LCN9: variants seen among roughly 807,000 people sequenced by gnomAD.
LCN9 encodes the protein epididymal-specific lipocalin-9.
Under a neutral mutation model 18.5 loss-of-function variants are expected in LCN9, and 22 were observed. The observed-to-expected ratio is 1.19, with a 90% confidence interval of 0.85 to 1.70. LCN9 has a LOEUF of 1.70. LCN9 is among the 40% of genes most tolerant of loss of function. The pLI is 0.00. For missense variants in LCN9, 202 were observed against 201.3 expected (o/e 1.00, Z -0.02); for synonymous variants, 89 against 83.0 (o/e 1.07, Z -0.39).
chr9:135,665,203 G>C lies in LCN9; in HGVS notation c.308-42G>C. 1 of 1,349,932 alleles carries C rather than the reference G, an allele frequency of 7.4e-7. No homozygotes were observed. Among genetic ancestry groups the C allele is most frequent in the Non-Finnish European group, 1.0e-6 (1 of 962,246 alleles). The allele number at this position is 1,349,932 out of a possible 1,614,324, so 83.6% of individuals were successfully genotyped here. ...CACAGCACGTGTCACAGGACCCTGA[G>C]GGTGGCGGGGCCAGGCCACGCTGAG... On this transcript the variant is annotated intron_variant, in intron 3 of 5. Coordinates refer to ENST00000619315, the Ensembl canonical transcript of LCN9. The surrounding 1 kb of genome is among the most constrained non-coding windows in gnomAD (Gnocchi z 5.9).
At position 135,664,611 on chromosome 9, in the gene LCN9, G is replaced by A. The variant is rs1834185312; in HGVS notation, c.234-111G>A. The A allele has an allele frequency of 1.6e-5, 16 of 995,796 alleles. No homozygotes were observed. The Middle Eastern group carries it at 9.3e-4, about 58-fold the overall frequency. 61.7% of individuals were successfully genotyped at this position (995,796 alleles called of 1,614,324 possible). On this transcript the variant is annotated intron_variant, in intron 2 of 5. Transcript: ENST00000619315. The surrounding 1 kb of genome is among the most constrained non-coding windows in gnomAD (Gnocchi z 4.5). ...CCAAGAACTTGGGGCTGTGGAATGAGGCCTGGGCATTGGGAGGGTGAGCCT... is the reference window on the plus strand; with the variant it reads ...CCAAGAACTTGGGGCTGTGGAATGAAGCCTGGGCATTGGGAGGGTGAGCCT...
At position 135,665,082 on chromosome 9, in the gene LCN9, C is replaced by T. The variant is rs1002167702; in HGVS notation, c.308-163C>T. 95 of 644,838 alleles carry T rather than the reference C, an allele frequency of 1.5e-4. No homozygotes were observed. The Admixed American group carries it at 2.0e-3, about 13-fold the overall frequency. The allele number at this position is 644,838 out of a possible 1,614,324, so 39.9% of individuals were successfully genotyped here. ...GGGAGGGGGCTGTGCCGCTGCTGCC[C>T]GCCCCCTGTGCAGGGGTCTCCGCTG... is the stretch of plus-strand genomic sequence containing the variant. On this transcript the variant is annotated intron_variant, in intron 3 of 5. Coordinates refer to ENST00000619315, the Ensembl canonical transcript of LCN9. The surrounding 1 kb of genome is among the most constrained non-coding windows in gnomAD (Gnocchi z 5.9).
At position 135,665,690 on chromosome 9, in the gene LCN9, T is replaced by C. The variant is rs1048960816; in HGVS notation, c.421T>C (p.Leu141=). ...CTGGAACCCTCCTTCCTGAGCAGAT[T>C]TGAAGAAACCTGCGAAAAGTACGGA... Residue 141 remains leucine (L), a splice_region_variant and synonymous_variant, in exon 5 of 6, where the codon TTG becomes CTG. Coordinates refer to ENST00000619315, the Ensembl canonical transcript of LCN9. This position sits in a 1 kb window ranked among gnomAD's most constrained non-coding sequence, Gnocchi z 5.9. 5 of 1,612,608 alleles carry C rather than the reference T, an allele frequency of 3.1e-6. No individual in the cohort carries two copies. The highest frequency in any genetic ancestry group is 1.6e-4 in the Middle Eastern group (1 of 6,082).
exon 1 of LCN9, chr9:135,663,415 A>C (rs1247980391): frequency 1.2e-6 from 2 of 1,613,738 alleles, no homozygotes; most frequent in Non-Finnish European, 1.7e-6. Flanking sequence ...CAACGTGGCC[A>C]GGGTGTGTCT....
chr9:135,666,819 C>T (rs1834232999), exon 6 of LCN9, among the ~76,000 whole-genome samples: 1 of 149,816 alleles, frequency 6.7e-6, no homozygotes, highest in Admixed American at 6.6e-5. Flanking sequence ...CCCTGTCCCT[C>T]CCCTCTCTGC....
In LCN9 at chr9:135,664,710, G is replaced by C. The variant is rs1458067771; in HGVS notation, c.234-12G>C. 1 of 1,573,920 alleles carries C rather than the reference G, an allele frequency of 6.4e-7. No homozygotes were observed. Among genetic ancestry groups the C allele is most frequent in the Non-Finnish European group, 8.6e-7 (1 of 1,163,100 alleles). On this transcript the variant is annotated splice_polypyrimidine_tract_variant and intron_variant, in intron 2 of 5. Coordinates refer to ENST00000619315, the Ensembl canonical transcript of LCN9. The surrounding 1 kb of genome is among the most constrained non-coding windows in gnomAD (Gnocchi z 4.5). ...GAGCTCCACTCCCGGCATCTTCCTG[G>C]CTGGCTTCCAGGGTGCAGGGGGAGT...
chr9:135,663,405 C>T (rs1296032591), exon 1 of LCN9: 1 of 1,613,858 alleles, frequency 6.2e-7, no homozygotes, highest in Non-Finnish European at 8.5e-7. Flanking sequence ...AGAGGAACTA[C>T]AACGTGGCCA....
exon 6 of LCN9, among the ~76,000 whole-genome samples, chr9:135,666,709 G>C (rs1419435790): frequency 1.3e-5 from 2 of 152,284 alleles, no homozygotes; most frequent in African/African-American, 4.8e-5. Flanking sequence ...ATGTACCTGT[G>C]GTGCGTGGTG....
chr9:135,666,680 C>T (rs928802825), exon 6 of LCN9, among the ~76,000 whole-genome samples: 11 of 152,160 alleles, frequency 7.2e-5, no homozygotes, highest in Non-Finnish European at 1.6e-4. Flanking sequence ...CACGAGGGTT[C>T]CTGAGGGTAA....
rs1834154191 is a variant in LCN9 at position 135,663,491 on chromosome 9, T to C, written c.96+74T>C. 3.0e-6 allele frequency: 4 copies of C among 1,347,540 alleles called. No homozygotes were observed. In the Admixed American group the frequency reaches 5.3e-5, roughly 18 times the overall value. 83.5% of individuals were successfully genotyped at this position (1,347,540 alleles called of 1,614,324 possible). ...CTGTCTTCCCCCAGCCTGGGGTCTC[T>C]GACCTGTGACCAGGGCAACTGGTCC... On this transcript the variant is annotated intron_variant, in intron 1 of 5. Coordinates refer to ENST00000619315, the Ensembl canonical transcript of LCN9.
chr9:135,663,420 G>A lies in LCN9; in HGVS notation c.96+3G>A, dbSNP rs767613941. ...AGAGGAACTACAACGTGGCCAGGGT[G>A]TGTCTGCGTTGGGGTCTGTGGGGAA... On this transcript the variant is annotated splice_donor_region_variant and intron_variant, in intron 1 of 5. Transcript: ENST00000619315. The A allele has an allele frequency of 4.3e-6, 7 of 1,613,532 alleles. No homozygotes were observed. Among genetic ancestry groups the A allele is most frequent in the Admixed American group, 1.7e-5 (1 of 60,014 alleles).
At position 135,665,251 on chromosome 9, in the gene LCN9, G is replaced by C. The variant is rs1834197725; in HGVS notation, c.314G>C (p.Gly105Ala). 1.3e-6 allele frequency: 2 copies of C among 1,590,650 alleles called. No individual in the cohort carries two copies. The highest frequency in any genetic ancestry group is 2.3e-5 in the South Asian group (2 of 87,132). Residue 105 changes from glycine (G) to alanine (A), a missense_variant, in exon 4 of 6, where the codon GGC (glycine) becomes GCC (alanine). Physicochemically the swap from Gly to Ala is moderately conservative, Grantham distance 60 (BLOSUM62 0). Coordinates refer to ENST00000619315, the Ensembl canonical transcript of LCN9. This position sits in a 1 kb window ranked among gnomAD's most constrained non-coding sequence, Gnocchi z 5.9. Reference sequence around the variant, plus strand: ...GAGCCATGTCTCCACGCAGATGAGGGCCAGAACACAGTGGCCGTCTCGGAG... The same window carrying C: ...GAGCCATGTCTCCACGCAGATGAGGCCCAGAACACAGTGGCCGTCTCGGAG...
At position 135,664,950 on chromosome 9, in the gene LCN9, A is replaced by T. The variant is rs962367423; in HGVS notation, c.307+155A>T. ...GAGGGACCCATCCTGGCACCTACCC[A>T]GGGGGGCTCCTGGCCCAGGGGAAGC... On this transcript the variant is annotated intron_variant, in intron 3 of 5. Coordinates refer to ENST00000619315, the Ensembl canonical transcript of LCN9. The surrounding 1 kb of genome is among the most constrained non-coding windows in gnomAD (Gnocchi z 4.5). Among the ~76,000 whole-genome samples the T allele has an allele frequency of 6.6e-6, 1 of 152,056 alleles. No homozygotes were observed. Among genetic ancestry groups the T allele is most frequent in the African/African-American group, 2.4e-5 (1 of 41,416 alleles).
At position 135,665,641 on chromosome 9, in the gene LCN9, C is replaced by G. The variant is rs557147457; in HGVS notation, c.419-47C>G. 6.4e-7 allele frequency: 1 copy of G among 1,573,958 alleles called. No individual in the cohort carries two copies. The highest frequency in any genetic ancestry group is 2.3e-5 in the East Asian group (1 of 43,684). On this transcript the variant is annotated intron_variant, in intron 4 of 5. Transcript: ENST00000619315. This position sits in a 1 kb window ranked among gnomAD's most constrained non-coding sequence, Gnocchi z 5.9. ...GGCCCAGCTTCACACAGAACCAACTCTGTTCCCAGCACGGGTCCCATAGCT... is the reference window on the plus strand; with the variant it reads ...GGCCCAGCTTCACACAGAACCAACTGTGTTCCCAGCACGGGTCCCATAGCT...
In LCN9 at chr9:135,664,105, T is replaced by A; in HGVS notation, c.97-57T>A. On this transcript the variant is annotated intron_variant, in intron 1 of 5. Coordinates refer to ENST00000619315, the Ensembl canonical transcript of LCN9. The surrounding 1 kb of genome is among the most constrained non-coding windows in gnomAD (Gnocchi z 4.5). ...CCCTGGGAGGGAAGACTGTGGGCGC[T>A]AAGCATCCCCAGGGCTGTCCCGCGG... is the stretch of plus-strand genomic sequence containing the variant. The A allele has an allele frequency of 6.3e-7, 1 of 1,596,108 alleles. No homozygotes were observed. Among genetic ancestry groups the A allele is most frequent in the Middle Eastern group, 1.9e-4 (1 of 5,206 alleles).
In LCN9 at chr9:135,664,332, G is replaced by A. The variant is rs1407022519; in HGVS notation, c.233+34G>A. 6.2e-7 allele frequency: 1 copy of A among 1,612,582 alleles called. No homozygotes were observed. Among genetic ancestry groups the A allele is most frequent in the African/African-American group, 1.3e-5 (1 of 74,896 alleles). The stretch of plus-strand genomic sequence containing the variant: ...TGCCCATCTCAGCTGGCATCAGGAA[G>A]ACCCATGCCCCTGCCACCCCAACGC... On this transcript the variant is annotated intron_variant, in intron 2 of 5. Transcript: ENST00000619315. This position sits in a 1 kb window ranked among gnomAD's most constrained non-coding sequence, Gnocchi z 4.5.
chr9:135,664,356 G>T lies in LCN9; in HGVS notation c.233+58G>T. The T allele has an allele frequency of 6.3e-7, 1 of 1,598,596 alleles. No individual in the cohort carries two copies. Among genetic ancestry groups the T allele is most frequent in the Non-Finnish European group, 8.6e-7 (1 of 1,168,916 alleles). The stretch of plus-strand genomic sequence containing the variant: ...AGACCCATGCCCCTGCCACCCCAAC[G>T]CATACTCTCACTCTTGCACACACAC... On this transcript the variant is annotated intron_variant, in intron 2 of 5. Coordinates refer to ENST00000619315, the Ensembl canonical transcript of LCN9. The surrounding 1 kb of genome is among the most constrained non-coding windows in gnomAD (Gnocchi z 4.5).
chr9:135,665,259 A>G lies in LCN9; in HGVS notation c.322A>G (p.Thr108Ala). 1 of 1,596,132 alleles carries G rather than the reference A, an allele frequency of 6.3e-7. No individual in the cohort carries two copies. The highest frequency in any genetic ancestry group is 8.5e-7 in the Non-Finnish European group (1 of 1,171,368). The stretch of plus-strand genomic sequence containing the variant: ...TCTCCACGCAGATGAGGGCCAGAAC[A>G]CAGTGGCCGTCTCGGAGACTGACTA... The change falls in exon 4 of 6, where the codon ACA (threonine) becomes GCA (alanine). Residue 108 changes from threonine to alanine, a missense_variant. Thr to Ala is a moderately conservative substitution (Grantham distance 58). Transcript: ENST00000619315. The surrounding 1 kb of genome is among the most constrained non-coding windows in gnomAD (Gnocchi z 5.9).
chr9:135,664,651 G>C lies in LCN9; in HGVS notation c.234-71G>C. 2.2e-6 allele frequency: 3 copies of C among 1,334,618 alleles called. No individual in the cohort carries two copies. In the Middle Eastern group the frequency reaches 6.8e-4, roughly 301 times the overall value. 82.7% of individuals were successfully genotyped at this position (1,334,618 alleles called of 1,614,324 possible). A position where few individuals can be genotyped will look rare whatever the true frequency, so the allele number is the denominator to read the frequency against. On this transcript the variant is annotated intron_variant, in intron 2 of 5. Transcript: ENST00000619315. The surrounding 1 kb of genome is among the most constrained non-coding windows in gnomAD (Gnocchi z 4.5). ...AGGGTGAGCCTGTGCCCTGGAGGAG[G>C]GGTGCTCTCTGCCATCGCACGTCCA...
Sources: gnomAD v4.1 joint callset for allele counts (sites outside exome capture counted in the v4.1 genomes callset) on GRCh38, gnomAD v4.1.1 for gene constraint, Gnocchi (gnomAD v3.1) non-coding constraint, MANE v1.5 for transcripts, NCBI Gene and HGNC (gene_info 2026-07-23, HGNC 2026-07-21) for gene names.